Variants in SOX6 observed in about 807,000 individuals in gnomAD.
SOX6 encodes SRY-box transcription factor 6.
In SOX6, 11 loss-of-function variants were observed where a neutral mutation model predicts 97.8. The observed-to-expected ratio is 0.11, with a 90% CI of 0.07 to 0.19. SOX6 has a LOEUF of 0.19. Among genes scored for constraint, SOX6 ranks in the 10% least tolerant of loss-of-function variants. The pLI is 1.00. For missense variants in SOX6, 810 were observed against 1,039.5 expected (o/e 0.78, Z 3.04); for synonymous variants, 360 against 371.4 (o/e 0.97, Z 0.35).
rs113882259 is a variant in SOX6, at chr11:16,285,193, C to T, written c.445+33253G>A. Among the ~76,000 whole-genome samples the T allele has an allele frequency of 7.4e-3, 1,131 of 152,110 alleles. 15 individuals are homozygous for T. Among genetic ancestry groups the T allele is most frequent in the African/African-American group, 0.025 (1,041 of 41,498 alleles). Reference sequence around the variant, plus strand: ...TAACTAGACTACAACAAATAAAATGCTAATTAACTGAATGTTTTAATATTA... The same window carrying T: ...TAACTAGACTACAACAAATAAAATGTTAATTAACTGAATGTTTTAATATTA... On this transcript the variant is annotated intron_variant, in intron 3 of 15. Coordinates refer to ENST00000683767, the MANE Select transcript of SOX6 (RefSeq NM_001367873.1).
intron 4 of SOX6, among the ~76,000 whole-genome samples, chr11:16,566,765 T>C (rs1847877063): frequency 6.6e-6 from 1 of 152,200 alleles, no homozygotes; most frequent in Non-Finnish European, 1.5e-5. Context: ...TGGAAAACAG[T>C]TTGGCACTTT....
At chr11:16,622,524 G>A (rs1337002755) in intron 3 of SOX6, among the ~76,000 whole-genome samples, 1 of 152,138 alleles carries the variant, frequency 6.6e-6, no homozygotes, top group Non-Finnish European at 1.5e-5. Context: ...ACGATGTTTG[G>A]TTTTCCATTC....
chr11:16,127,296 T>G (rs1370476559), intron 6 of SOX6, among the ~76,000 whole-genome samples: 1 of 152,104 alleles, frequency 6.6e-6, no homozygotes, highest in African/African-American at 2.4e-5. Context: ...TAGAAATTGA[T>G]TTTTGTTGTT....
chr11:16,202,847 A>C (rs554259786), intron 4 of SOX6, among the ~76,000 whole-genome samples: 52 of 152,334 alleles, frequency 3.4e-4, no homozygotes, highest in African/African-American at 1.2e-3. Flanking sequence ...GACTACTCGT[A>C]ATTTTAAAAC....
At chr11:16,213,829 C>T (rs1175372676) in intron 4 of SOX6, among the ~76,000 whole-genome samples, 1 of 152,112 alleles carries the variant, frequency 6.6e-6, no homozygotes, top group East Asian at 1.9e-4. Context: ...TAGAATTCTT[C>T]CATCAAAATC....
chr11:16,653,195 G>A (rs576715452), intron 3 of SOX6, among the ~76,000 whole-genome samples: 1 of 152,258 alleles, frequency 6.6e-6, no homozygotes, highest in African/African-American at 2.4e-5. Flanking sequence ...CAACCACTAT[G>A]GAAAACAGTA....
At chr11:16,738,427 C>CCCG (rs1848412099) in exon 1 of SOX6, 1 of 380,628 alleles carries the variant, frequency 2.6e-6, no homozygotes, top group Non-Finnish European at 5.0e-6. Flanking sequence ...ACGCTCACCG[C>CCCG]CATACACATC....
chr11:16,268,664 C>T (rs537767305), intron 3 of SOX6, among the ~76,000 whole-genome samples: 1 of 151,210 alleles, frequency 6.6e-6, no homozygotes, highest in South Asian at 2.1e-4. Flanking sequence ...AGTCGTATCG[C>T]TTCAATAATT....
At chr11:16,583,616 T>TATATATATACACACACACAC (rs1848056002) in intron 4 of SOX6, among the ~76,000 whole-genome samples, 1 of 52,502 alleles carries the variant, frequency 1.9e-5, no homozygotes, top group African/African-American at 8.1e-5. Context: ...TATATATACA[T>TATATATATACACACACACAC]ATATATATAT....
chr11:15,988,985 T>G lies in SOX6; in HGVS notation c.1966+12A>C. On this transcript the variant is annotated intron_variant, in intron 14 of 15. Coordinates refer to ENST00000683767, the MANE Select transcript of SOX6 (RefSeq NM_001367873.1). ...GGGAGAAGATCAGCTTTAGCTGCAC[T>G]GCTGCACTCACCTAAGATTTTGCTA... 1 of 1,611,402 alleles carries G rather than the reference T, an allele frequency of 6.2e-7. No homozygotes were observed. The highest frequency in any genetic ancestry group is 8.5e-7 in the Non-Finnish European group (1 of 1,177,434).
intron 6 of SOX6, among the ~76,000 whole-genome samples, chr11:16,136,264 C>A (rs763210137): frequency 6.6e-6 from 1 of 151,902 alleles, no homozygotes; most frequent in East Asian, 1.9e-4. Flanking sequence ...GTCATCCACC[C>A]GCCTCGGCCT....
chr11:16,712,696 T>A (rs972855224), intron 3 of SOX6, among the ~76,000 whole-genome samples: 1 of 152,182 alleles, frequency 6.6e-6, no homozygotes, highest in Non-Finnish European at 1.5e-5. Context: ...AATCACTACC[T>A]TTTGAAGCAG....
chr11:16,238,466 T>C (rs553890693), intron 3 of SOX6, among the ~76,000 whole-genome samples: 2 of 152,204 alleles, frequency 1.3e-5, no homozygotes, highest in South Asian at 2.1e-4. Context: ...ATTAACTTAG[T>C]AATTAATTTT....
At chr11:16,315,271 T>C (rs904549924) in intron 3 of SOX6, 2 of 152,134 alleles carry the variant, frequency 1.3e-5, no homozygotes, top group Admixed American at 1.3e-4. Flanking sequence ...TATTTTACCT[T>C]ATGCATTTAA....
intron 9 of SOX6, among the ~76,000 whole-genome samples, chr11:16,086,033 G>A (rs1395957809): frequency 6.6e-6 from 1 of 152,088 alleles, no homozygotes; most frequent in East Asian, 1.9e-4. Context: ...CAAGCTTCAA[G>A]TTTTAGTATT....
rs529008268 is a variant in SOX6 at position 16,599,467 on chromosome 11, C to A, written n.609+12614G>T. ...TCTAAAATATTAACTCAGTTATTGA[C>A]AAATAAAATCAAACGTCCCTCTATA... is the stretch of plus-strand genomic sequence containing the variant. On this transcript the variant is annotated intron_variant and non_coding_transcript_variant, in intron 4 of 5. Coordinates refer to the SOX6 transcript ENST00000524520. Among the ~76,000 whole-genome samples the A allele has an allele frequency of 1.7e-4, 26 of 152,124 alleles. No homozygotes were observed. The South Asian group carries it at 5.4e-3, about 32-fold the overall frequency.
intron 4 of SOX6, among the ~76,000 whole-genome samples, chr11:16,523,042 A>G (rs1470913216): frequency 6.6e-6 from 1 of 152,240 alleles, no homozygotes; most frequent in Non-Finnish European, 1.5e-5. Flanking sequence ...GGAGACTTTA[A>G]CACCCCACTG....
At chr11:16,298,012 C>T (rs984705415) in intron 3 of SOX6, among the ~76,000 whole-genome samples, 4 of 152,040 alleles carry the variant, frequency 2.6e-5, no homozygotes, top group African/African-American at 9.7e-5. Context: ...TCAGTAGAGG[C>T]AGAAAAACAC....
intron 3 of SOX6, among the ~76,000 whole-genome samples, chr11:16,306,924 T>C (rs1201266906): frequency 6.6e-6 from 1 of 152,128 alleles, no homozygotes; most frequent in Non-Finnish European, 1.5e-5. Flanking sequence ...ACGCTCAGCC[T>C]ACATCCTCGA....
Sources: gnomAD v4.1 joint callset for allele counts (sites outside exome capture counted in the v4.1 genomes callset) on GRCh38, gnomAD v4.1.1 for gene constraint, MANE v1.5 for transcripts, NCBI Gene and HGNC (gene_info 2026-07-23, HGNC 2026-07-21) for gene names.